NAA38: variants seen among roughly 807,000 people sequenced by gnomAD.
NAA38 encodes the protein LSM domain containing 1.
A neutral mutation model predicts 12.6 loss-of-function variants in NAA38; 15 were observed. The ratio of observed to expected loss-of-function variants is 1.19; its 90% confidence interval spans 0.79 to 1.83. The LOEUF is 1.83. NAA38 is among the 40% of genes most tolerant of loss of function. The probability of loss-of-function intolerance (pLI) is 0.00; values close to 1 mark genes in which losing one functional copy is unlikely to be tolerated. For missense variants in NAA38, 183 were observed against 171.7 expected, an observed-to-expected ratio of 1.07 and a Z score of -0.37; for synonymous variants, 88 against 69.9, an observed-to-expected ratio of 1.26 and a Z score of -1.29.
chr17:7,874,885 C>CAAAAA, intron 2 of NAA38, among the ~76,000 whole-genome samples: 1 of 45,476 alleles, frequency 2.2e-5, no homozygotes. Flanking sequence ...AACTCCATCT[C>CAAAAA]AAAAAAAAAA....
intron 2 of NAA38, among the ~76,000 whole-genome samples, chr17:7,868,968 C>T (rs1967036635): frequency 1.3e-5 from 2 of 152,198 alleles, no homozygotes; most frequent in African/African-American, 4.8e-5. Context: ...GGGCCAACTA[C>T]TGGGAGAAGA....
At chr17:7,878,065 TTTA>T (rs1325148771) in intron 2 of NAA38, among the ~76,000 whole-genome samples, 1 of 152,156 alleles carries the variant, frequency 6.6e-6, no homozygotes, top group African/African-American at 2.4e-5. Context: ...TGCTTTTACT[TTTA>T]TTGATTTTTA....
chr17:7,866,253 A>AT (rs56289148), intron 3 of NAA38, among the ~76,000 whole-genome samples: 2,965 of 90,418 alleles, frequency 0.033, 131 homozygotes, highest in South Asian at 0.083. Context: ...AGCCCGGCTA[A>AT]TTTTTTTTTT....
intron 2 of NAA38, among the ~76,000 whole-genome samples, chr17:7,867,379 C>T (rs952084662): frequency 2.6e-5 from 4 of 151,968 alleles, no homozygotes; most frequent in Non-Finnish European, 4.4e-5. Flanking sequence ...GCTCTTGTTG[C>T]CCAGGCTGGA....
intron 1 of NAA38, chr17:7,884,984 C>G (rs1365488057): frequency 9.7e-6 from 11 of 1,133,120 alleles, no homozygotes; most frequent in Admixed American, 4.8e-5. Context: ...GGGCCACGAC[C>G]GGGGCCGCGA....
At chr17:7,861,031 A>G (rs1180648604), upstream of NAA38, 2 of 152,196 alleles carry the variant, frequency 1.3e-5, no homozygotes, top group Non-Finnish European at 2.9e-5. Flanking sequence ...GGTAATGTAA[A>G]CAGAGATGCT....
chr17:7,876,657 C>T lies in NAA38; in HGVS notation c.-66+6578G>A, dbSNP rs187874920. ...CTTTCTTCTCTGAATGCTGATTTTACAGCCCATAACCATCATCACAATCAT... is the reference window on the plus strand; with the variant it reads ...CTTTCTTCTCTGAATGCTGATTTTATAGCCCATAACCATCATCACAATCAT... On this transcript the variant is annotated intron_variant, in intron 2 of 4. Coordinates refer to the NAA38 transcript ENST00000576861. Among the ~76,000 whole-genome samples, 692 of 152,272 alleles carry T rather than the reference C, an allele frequency of 4.5e-3. 3 individuals carry two copies. The highest frequency in any genetic ancestry group is 0.015 in the African/African-American group (639 of 41,548).
chr17:7,880,213 G>A (rs1260959738), intron 2 of NAA38, among the ~76,000 whole-genome samples: 1 of 151,964 alleles, frequency 6.6e-6, no homozygotes, highest in Non-Finnish European at 1.5e-5. Flanking sequence ...ACAGAAGAGA[G>A]GGGAGAGGGC....
At chr17:7,873,038 G>A (rs1967113930) in intron 2 of NAA38, among the ~76,000 whole-genome samples, 1 of 152,202 alleles carries the variant, frequency 6.6e-6, no homozygotes, top group Non-Finnish European at 1.5e-5. Flanking sequence ...CCTGCTTACT[G>A]TGTGTCAAAC....
At chr17:7,857,343 T>A in intron 1 of NAA38, 40 bp downstream of exon 1, 1 of 1,613,130 alleles carries the variant, frequency 6.2e-7, no homozygotes, top group Non-Finnish European at 8.5e-7. Context: ...ATCTTGCTGC[T>A]TGACTGCCCC....
chr17:7,864,466 C>G (rs962414842), intron 3 of NAA38: 1 of 152,128 alleles, frequency 6.6e-6, no homozygotes, highest in Admixed American at 6.6e-5. Flanking sequence ...CTGGCTAATT[C>G]TTTATTTTTT....
upstream of NAA38, chr17:7,862,410 G>T (rs1240540301): frequency 6.6e-6 from 1 of 152,088 alleles, no homozygotes; most frequent in Non-Finnish European, 1.5e-5. Context: ...CACTTTCCTT[G>T]CTTCCCCAAT....
upstream of NAA38, chr17:7,859,456 G>A (rs376029819): frequency 8.7e-6 from 14 of 1,614,136 alleles, no homozygotes; most frequent in East Asian, 1.6e-4. Context: ...CCAGCTACAC[G>A]TGGAAATATG....
At chr17:7,882,125 CAAGAG>C (rs1967283716) in intron 2 of NAA38, among the ~76,000 whole-genome samples, 1 of 152,104 alleles carries the variant, frequency 6.6e-6, no homozygotes, top group Admixed American at 6.5e-5. Context: ...AAAGCACACT[CAAGAG>C]AGAGAATGAT....
chr17:7,882,532 T>C (rs1263567091), intron 2 of NAA38, among the ~76,000 whole-genome samples: 2 of 150,280 alleles, frequency 1.3e-5, no homozygotes, highest in Non-Finnish European at 3.0e-5. Flanking sequence ...GCCCACAATA[T>C]AGAAAGGGGG....
chr17:7,877,195 A>C (rs1432765398), intron 2 of NAA38: 6 of 211,564 alleles, frequency 2.8e-5, no homozygotes, highest in Admixed American at 1.2e-4. Flanking sequence ...TCATTGTAAA[A>C]ATTCAGAATT....
chr17:7,881,514 G>T (rs969568455), intron 2 of NAA38, among the ~76,000 whole-genome samples: 1 of 151,884 alleles, frequency 6.6e-6, no homozygotes, highest in African/African-American at 2.4e-5. Flanking sequence ...TGAGGCAAAG[G>T]GGTTACTGAG....
At chr17:7,859,738 G>C, upstream of NAA38, 2 of 787,930 alleles carry the variant, frequency 2.5e-6, no homozygotes, top group Non-Finnish European at 4.2e-6. Flanking sequence ...CCAGGAGCTA[G>C]CCTGTGCCCT....
chr17:7,873,818 G>A (rs78078273), intron 2 of NAA38, among the ~76,000 whole-genome samples: 1,937 of 152,280 alleles, frequency 0.013, 46 homozygotes, highest in African/African-American at 0.044. Context: ...CCTGGAAGTA[G>A]ATAAGATTTT....
Sources: gnomAD v4.1 joint callset for allele counts (sites outside exome capture counted in the v4.1 genomes callset) on GRCh38, gnomAD v4.1.1 for gene constraint, MANE v1.5 for transcripts, NCBI Gene and HGNC (gene_info 2026-07-23, HGNC 2026-07-21) for gene names.